The following SMG6 variants were observed in gnomAD, a reference collection of about 807,000 sequenced individuals.
The protein encoded by SMG6 is SMG6 nonsense mediated mRNA decay factor.
In SMG6, 66 loss-of-function variants were observed where a neutral mutation model predicts 142.2. The ratio of observed to expected loss-of-function variants is 0.46; its 90% CI spans 0.38 to 0.57. The LOEUF (loss-of-function observed/expected upper bound fraction) is 0.57. Ranked by LOEUF, SMG6 falls within the 20% of genes least tolerant of loss-of-function variation. The pLI, the probability that SMG6 is intolerant of heterozygous loss-of-function variation, is 0.00. For missense variants in SMG6, 1,793 were observed against 1,832.0 expected, an observed-to-expected ratio of 0.98 and a Z score of 0.39; for synonymous variants, 779 against 702.4, an observed-to-expected ratio of 1.11 and a Z score of -1.72.
At chr17:2,223,414 T>C (rs2073232677) in intron 10 of SMG6, among the ~76,000 whole-genome samples, 1 of 152,148 alleles carries the variant, frequency 6.6e-6, no homozygotes, top group Non-Finnish European at 1.5e-5. Context: ...AACACTCCAA[T>C]TACAGTAAAT....
At chr17:2,157,882 A>T (rs981649635) in intron 13 of SMG6, among the ~76,000 whole-genome samples, 2 of 152,228 alleles carry the variant, frequency 1.3e-5, no homozygotes, top group Non-Finnish European at 2.9e-5. Flanking sequence ...AATGGCGACA[A>T]GAAGCTGAAT....
chr17:2,303,732 C>G lies in SMG6; in HGVS notation c.-12G>C. 6.7e-7 allele frequency: 1 copy of G among 1,489,484 alleles called. No homozygotes were observed. Among genetic ancestry groups the G allele is most frequent in the Non-Finnish European group, 8.9e-7 (1 of 1,125,936 alleles). The allele number at this position is 1,489,484 out of a possible 1,614,324, so 92.3% of individuals were successfully genotyped here. ...AGCCCTTCCGCCATCTTCGCGGCTGCTGCTACAGCCGTAGCGGCTCCGCCA... is the reference window on the plus strand; with the variant it reads ...AGCCCTTCCGCCATCTTCGCGGCTGGTGCTACAGCCGTAGCGGCTCCGCCA... On this transcript the variant is annotated 5_prime_UTR_variant, in exon 1 of 19. Transcript: ENST00000263073.
At chr17:2,116,731 G>A (rs2069518297) in intron 13 of SMG6, among the ~76,000 whole-genome samples, 1 of 151,978 alleles carries the variant, frequency 6.6e-6, no homozygotes, top group African/African-American at 2.4e-5. Context: ...CTGGGCGGCA[G>A]AGCGAGACTC....
intron 13 of SMG6, among the ~76,000 whole-genome samples, chr17:2,143,561 G>A (rs1022546346): frequency 6.6e-6 from 1 of 152,200 alleles, no homozygotes; most frequent in Non-Finnish European, 1.5e-5. Flanking sequence ...ACTAGTGGTT[G>A]ACAGGGGCTA....
At position 2,303,662 on chromosome 17, in the gene SMG6, G is replaced by T; in HGVS notation, c.59C>A (p.Ala20Asp). The T allele has an allele frequency of 6.7e-7, 1 of 1,493,020 alleles. No homozygotes were observed. Among genetic ancestry groups the T allele is most frequent in the Non-Finnish European group, 8.9e-7 (1 of 1,128,000 alleles). The allele number at this position is 1,493,020 out of a possible 1,614,324, so 92.5% of individuals were successfully genotyped here. A position where few individuals can be genotyped will look rare whatever the true frequency, so the allele number is the denominator to read the frequency against. ...GCTCCCGGCCTGCGGGGCCAGAGTA[G>T]CCAGGATCCCGCGCAGCTCCGACGC... ...ISASELRGIL[A>D]TLAPQAGSRE... The change falls in exon 1 of 19, where the codon GCT (alanine) becomes GAT (aspartate). Residue 20 changes from alanine (A) to aspartate (D), a missense_variant. Coordinates refer to ENST00000263073, the MANE Select transcript of SMG6 (RefSeq NM_017575.5).
At chr17:2,127,740 A>G (rs762874241) in intron 13 of SMG6, 1 of 560,354 alleles carries the variant, frequency 1.8e-6, no homozygotes, top group African/African-American at 1.9e-5. Flanking sequence ...GTTTTAACTG[A>G]TGTAGTTTGA....
intron 13 of SMG6, among the ~76,000 whole-genome samples, chr17:2,130,504 G>C (rs1326075568): frequency 3.3e-5 from 5 of 151,764 alleles, no homozygotes; most frequent in African/African-American, 1.2e-4. Context: ...GAACAGAACA[G>C]AGGACTAGGA....
chr17:2,090,182 CAAAAAAAAA>C (rs71150849), intron 13 of SMG6, among the ~76,000 whole-genome samples: 1 of 96,674 alleles, frequency 1.0e-5, no homozygotes, highest in African/African-American at 4.1e-5. Flanking sequence ...GACTCTGTCT[CAAAAAAAAA>C]AAAAAAAAAA....
intron 13 of SMG6, among the ~76,000 whole-genome samples, chr17:2,086,529 G>A (rs1234818695): frequency 6.6e-6 from 1 of 152,164 alleles, no homozygotes; most frequent in Non-Finnish European, 1.5e-5. Context: ...AGGTGGGGAT[G>A]TTTCACCAAA....
intron 12 of SMG6, among the ~76,000 whole-genome samples, chr17:2,185,617 A>C (rs958452709): frequency 1.3e-5 from 2 of 152,176 alleles, no homozygotes; most frequent in Non-Finnish European, 2.9e-5. Context: ...TCTCTGCTAT[A>C]CACAAATGCT....
chr17:2,255,869 G>A, intron 8 of SMG6: 1 of 237,560 alleles, frequency 4.2e-6, no homozygotes, highest in Non-Finnish European at 8.3e-6. Context: ...GGATGCTGTT[G>A]ATCTGTGACC....
chr17:2,070,151 G>A (rs1179160525), intron 15 of SMG6, among the ~76,000 whole-genome samples: 3 of 152,276 alleles, frequency 2.0e-5, no homozygotes, highest in South Asian at 4.1e-4. Context: ...GGAAGTTCCC[G>A]AGAGATGCAC....
At chr17:2,209,398 T>G (rs994568357) in intron 10 of SMG6, among the ~76,000 whole-genome samples, 1 of 152,116 alleles carries the variant, frequency 6.6e-6, no homozygotes, top group South Asian at 2.1e-4. Context: ...GGAGTCTTGC[T>G]CTGTTGCCCA....
intron 14 of SMG6, among the ~76,000 whole-genome samples, chr17:2,084,520 G>A (rs1567584345): frequency 6.6e-6 from 1 of 152,176 alleles, no homozygotes; most frequent in Non-Finnish European, 1.5e-5. Context: ...AGACTCTGCT[G>A]CTCTCAGGAC....
Position 2,299,436 on chromosome 17 carries a change from A to C in SMG6, c.1317T>G (p.Gly439=), listed in dbSNP as rs1212248307. The part of the protein sequence containing the change: ...PLGPRLLFGS[G]SKGSRSWGRG... ...GGCCCCAACTCCGAGATCCCTTACT[A>C]CCAGATCCAAACAAAAGCCGAGGTC... Residue 439 remains glycine, a synonymous_variant, in exon 2 of 19, where the codon GGT becomes GGG. Coordinates refer to ENST00000263073, the MANE Select transcript of SMG6 (RefSeq NM_017575.5). This position sits in a 1 kb window ranked among gnomAD's most constrained non-coding sequence, Gnocchi z 4.3. 4 of 1,613,926 alleles carry C rather than the reference A, an allele frequency of 2.5e-6. No homozygotes were observed. The African/African-American group carries it at 5.3e-5, about 22-fold the overall frequency.
At chr17:2,196,136 C>T (rs2072317545) in intron 10 of SMG6, among the ~76,000 whole-genome samples, 1 of 152,154 alleles carries the variant, frequency 6.6e-6, no homozygotes, top group African/African-American at 2.4e-5. Flanking sequence ...AAATCAAAGA[C>T]AAAGCCAGGC....
At chr17:2,277,186 T>G (rs1237611478) in intron 8 of SMG6, among the ~76,000 whole-genome samples, 1 of 135,686 alleles carries the variant, frequency 7.4e-6, no homozygotes, top group African/African-American at 2.8e-5. Context: ...TTTTTTTTTT[T>G]GAGACAGAGT....
In SMG6 at chr17:2,061,371, G is replaced by T. The variant is rs567340149; in HGVS notation, c.*121C>A. On this transcript the variant is annotated 3_prime_UTR_variant, in exon 19 of 19. Transcript: ENST00000263073. ...CATGGCCGTGGCGTGGGTTGGAAGA[G>T]GATGGTTTATTGTCTGGGTGGATTG... The T allele has an allele frequency of 5.0e-5, 50 of 998,368 alleles. 1 individual carries two copies. In the East Asian group the frequency reaches 1.3e-3, roughly 26 times the overall value. The allele number at this position is 998,368 out of a possible 1,614,324, so 61.8% of individuals were successfully genotyped here.
chr17:2,233,900 G>A (rs997221213), intron 10 of SMG6, among the ~76,000 whole-genome samples: 3 of 152,208 alleles, frequency 2.0e-5, no homozygotes, highest in Non-Finnish European at 2.9e-5. Flanking sequence ...TTGGCAGCAC[G>A]TCCACAGAGC....
Sources: gnomAD v4.1 joint callset for allele counts (sites outside exome capture counted in the v4.1 genomes callset) on GRCh38, gnomAD v4.1.1 for gene constraint, Gnocchi (gnomAD v3.1) non-coding constraint, MANE v1.5 for transcripts, NCBI Gene and HGNC (gene_info 2026-07-23, HGNC 2026-07-21) for gene names.